The following INTS15 variants were observed in gnomAD, a reference collection of about 807,000 sequenced individuals.
INTS15 encodes integrator complex subunit 15, also known as uncharacterized protein C7orf26.
the INTS15 span, chr7:6,590,029 G>T: frequency 4.8e-6 from 1 of 207,772 alleles, no homozygotes. Context: ...GCATTCGGCC[G>T]CTGTTCGGCT....
the INTS15 span, chr7:6,607,699 G>A: frequency 5.2e-6 from 8 of 1,525,600 alleles, no homozygotes; most frequent in South Asian, 2.4e-5. The surrounding 1 kb of genome is among the most constrained non-coding windows in gnomAD (Gnocchi z 6.0). Context: ...GGCCACCTGT[G>A]TGGGCTGCGC....
chr7:6,591,610 A>G, the INTS15 span: 2 of 1,580,032 alleles, frequency 1.3e-6, no homozygotes, highest in Non-Finnish European at 1.7e-6. Flanking sequence ...CGTTACAGCC[A>G]CATTTCTTAA....
chr7:6,599,298 CA>C, the INTS15 span, among the ~76,000 whole-genome samples: 68 of 152,276 alleles, frequency 4.5e-4, no homozygotes, highest in African/African-American at 1.6e-3. Flanking sequence ...TCTCAGGGAT[CA>C]CATCTCTGAG....
the INTS15 span, among the ~76,000 whole-genome samples, chr7:6,598,788 T>TGTA: frequency 3.3e-4 from 13 of 39,196 alleles, no homozygotes; most frequent in East Asian, 3.3e-3. Context: ...TGTGTGTGTA[T>TGTA]TTTTTTTTTT....
At chr7:6,595,055 A>C in the INTS15 span, among the ~76,000 whole-genome samples, 1 of 146,206 alleles carries the variant, frequency 6.8e-6, no homozygotes, top group African/African-American at 2.6e-5. Context: ...TTTTTGAGAC[A>C]GGGTTTCACT....
the INTS15 span, among the ~76,000 whole-genome samples, chr7:6,595,936 T>G: frequency 4.6e-5 from 7 of 152,136 alleles, no homozygotes; most frequent in Non-Finnish European, 8.8e-5. Context: ...ATAGTCTCTT[T>G]CTCTTCCTGG....
chr7:6,590,597 C>G, the INTS15 span: 2 of 1,393,060 alleles, frequency 1.4e-6, no homozygotes, highest in East Asian at 5.8e-5. Flanking sequence ...CGCTCGCGCT[C>G]GGCCTCGCTC....
chr7:6,608,192 C>T, the INTS15 span: 21 of 1,539,120 alleles, frequency 1.4e-5, no homozygotes, highest in Non-Finnish European at 1.7e-5. Context: ...TGCGCTCTCG[C>T]TGGACGAAGC....
At chr7:6,606,940 G>T in the INTS15 span, among the ~76,000 whole-genome samples, 1 of 152,054 alleles carries the variant, frequency 6.6e-6, no homozygotes, top group Non-Finnish European at 1.5e-5. Context: ...AACTCCTGGC[G>T]TCAAGCAGTC....
At chr7:6,605,363 C>T in the INTS15 span, among the ~76,000 whole-genome samples, 2 of 152,174 alleles carry the variant, frequency 1.3e-5, no homozygotes, top group Non-Finnish European at 2.9e-5. Flanking sequence ...CAGCTGGCAC[C>T]TTTCCCCTCC....
chr7:6,608,409 C>G, the INTS15 span: 1 of 1,378,470 alleles, frequency 7.3e-7, no homozygotes, highest in African/African-American at 1.5e-5. Flanking sequence ...TAAAAGATGC[C>G]GATCCTGGGA....
chr7:6,608,264 G>A, the INTS15 span: 1 of 1,477,520 alleles, frequency 6.8e-7, no homozygotes, highest in Non-Finnish European at 9.0e-7. Context: ...GGGTCGGGCA[G>A]CCCCTCCCCG....
chr7:6,607,964 C>T, the INTS15 span: 3 of 1,599,718 alleles, frequency 1.9e-6, no homozygotes, highest in Non-Finnish European at 2.5e-6. This position sits in a 1 kb window ranked among gnomAD's most constrained non-coding sequence, Gnocchi z 6.0. Flanking sequence ...TCGCAGCCTC[C>T]TCCAGCTGGT....
the INTS15 span, chr7:6,594,616 G>A: frequency 6.2e-7 from 1 of 1,610,252 alleles, no homozygotes; most frequent in Non-Finnish European, 8.5e-7. Flanking sequence ...CTTTAAACAG[G>A]TTATTTCTAT....
chr7:6,598,006 G>A, the INTS15 span, among the ~76,000 whole-genome samples: 6 of 152,212 alleles, frequency 3.9e-5, no homozygotes, highest in African/African-American at 1.4e-4. Context: ...CTCATGAAGC[G>A]AACATGCCAA....
At chr7:6,600,926 C>T in the INTS15 span, among the ~76,000 whole-genome samples, 26 of 151,898 alleles carry the variant, frequency 1.7e-4, no homozygotes, top group African/African-American at 5.8e-4. Context: ...CATGAGCCAC[C>T]GTGCCGTTTC....
the INTS15 span, among the ~76,000 whole-genome samples, chr7:6,596,691 G>A: frequency 6.6e-6 from 1 of 151,212 alleles, no homozygotes; most frequent in African/African-American, 2.4e-5. Context: ...CTTTTTTCTT[G>A]TTGTTAGGTT....
chr7:6,601,239 T>C, the INTS15 span, among the ~76,000 whole-genome samples: 1 of 151,868 alleles, frequency 6.6e-6, no homozygotes. Flanking sequence ...CCAAAAGTGC[T>C]AGGATTACCA....
At chr7:6,600,716 G>A in the INTS15 span, among the ~76,000 whole-genome samples, 1 of 152,124 alleles carries the variant, frequency 6.6e-6, no homozygotes, top group Non-Finnish European at 1.5e-5. Context: ...GTAGTGCAGT[G>A]GCACGATCTC....
Sources: allele counts gnomAD v4.1 joint callset (sites outside exome capture counted in the v4.1 genomes callset), GRCh38; gene constraint gnomAD v4.1.1; non-coding constraint Gnocchi (gnomAD v3.1); transcripts MANE v1.5; gene names NCBI Gene and HGNC (gene_info 2026-07-23, HGNC 2026-07-21).